Variants in RNF38 observed in about 807,000 individuals in gnomAD.
RNF38 encodes ring finger protein 38.
Under a neutral mutation model 67.2 loss-of-function variants are expected in RNF38, and 15 were observed. That is an observed-to-expected ratio of 0.22 (90% CI 0.15 to 0.34). The LOEUF (loss-of-function observed/expected upper bound fraction) is 0.34. Among genes scored for constraint, RNF38 ranks in the 10% least tolerant of loss-of-function variants. The pLI, the probability that RNF38 is intolerant of heterozygous loss-of-function variation, is 1.00. For missense variants in RNF38, 524 were observed against 639.9 expected (o/e 0.82, Z 1.95); for synonymous variants, 220 against 218.8 (o/e 1.01, Z -0.05).
chr9:36,466,809 A>G (rs190946892), intron 1 of RNF38, among the ~76,000 whole-genome samples: 7 of 152,230 alleles, frequency 4.6e-5, no homozygotes, highest in East Asian at 3.9e-4. Context: ...ATACATTTCT[A>G]TAACATTTTA....
chr9:36,487,428 G>C (rs989288852), exon 1 of RNF38: 1 of 980,952 alleles, frequency 1.0e-6, no homozygotes, highest in African/African-American at 1.8e-5. Flanking sequence ...GGCGGTGGGG[G>C]GCGCGGGCGG....
At chr9:36,467,364 TTTTCA>T (rs1245655975) in intron 1 of RNF38, among the ~76,000 whole-genome samples, 1 of 151,072 alleles carries the variant, frequency 6.6e-6, no homozygotes, top group African/African-American at 2.4e-5. Flanking sequence ...TTTTTCAAGA[TTTTCA>T]GAGTATATAT....
intron 4 of RNF38, among the ~76,000 whole-genome samples, chr9:36,362,436 T>C (rs1834623136): frequency 7.1e-6 from 1 of 141,200 alleles, no homozygotes; most frequent in Admixed American, 7.4e-5. Flanking sequence ...ACAATCAAAG[T>C]ACCAAAGTAC....
Position 36,337,772 on chromosome 9 carries a change from T to C in RNF38, c.*1980A>G, listed in dbSNP as rs2133277316. ...GAACAGGTGAGGGATATCCTAATGA[T>C]TTAAAAGTAACATGTGCATTAACCA... On this transcript the variant is annotated 3_prime_UTR_variant, in exon 12 of 12. Coordinates refer to ENST00000259605, the MANE Select transcript of RNF38 (RefSeq NM_022781.5). 6.5e-6 allele frequency: 1 copy of C among 152,724 alleles called. No homozygotes were observed. The highest frequency in any genetic ancestry group is 2.1e-4 in the South Asian group (1 of 4,824). 9.5% of individuals were successfully genotyped at this position (152,724 alleles called of 1,614,324 possible).
At chr9:36,453,131 C>T (rs762969736) in intron 1 of RNF38, among the ~76,000 whole-genome samples, 16 of 152,128 alleles carry the variant, frequency 1.1e-4, no homozygotes, top group Non-Finnish European at 2.2e-4. Context: ...TCTGAATGTT[C>T]CAATTTCTCC....
chr9:36,428,295 A>T (rs1838840523), intron 1 of RNF38, among the ~76,000 whole-genome samples: 2 of 151,854 alleles, frequency 1.3e-5, no homozygotes, highest in African/African-American at 4.8e-5. Context: ...ACGCACCTGT[A>T]ATCCCAGCTA....
chr9:36,358,723 A>G (rs1301495161), intron 4 of RNF38, among the ~76,000 whole-genome samples: 1 of 152,318 alleles, frequency 6.6e-6, no homozygotes, highest in Middle Eastern at 3.4e-3. Context: ...ATATGATATT[A>G]GTTTGGCCAG....
At chr9:36,426,915 T>A (rs1838787180) in intron 1 of RNF38, among the ~76,000 whole-genome samples, 1 of 152,248 alleles carries the variant, frequency 6.6e-6, no homozygotes, top group Admixed American at 6.5e-5. Context: ...CTGAGAGATA[T>A]TAAAGTTAGA....
intron 2 of RNF38, among the ~76,000 whole-genome samples, chr9:36,389,752 C>A (rs958555336): frequency 1.3e-5 from 2 of 152,180 alleles, no homozygotes; most frequent in African/African-American, 4.8e-5. Context: ...CCTTGATGAT[C>A]AATTATTTCA....
rs940335428 is a variant in RNF38 at position 36,400,190 on chromosome 9, G to A, written c.-82C>T. 9.5e-6 allele frequency: 15 copies of A among 1,571,144 alleles called. No individual in the cohort carries two copies. The Admixed American group carries it at 2.9e-4, about 30-fold the overall frequency. ...CGTTTCAAAAACCAACCTCTCTCACGCTTCAACCCTGAAAGGAAGAACTTG... is the reference window on the plus strand; with the variant it reads ...CGTTTCAAAAACCAACCTCTCTCACACTTCAACCCTGAAAGGAAGAACTTG... On this transcript the variant is annotated 5_prime_UTR_variant, in exon 1 of 12. Transcript: ENST00000259605.
intron 1 of RNF38, among the ~76,000 whole-genome samples, chr9:36,463,724 C>A: frequency 6.6e-6 from 1 of 152,170 alleles, no homozygotes; most frequent in African/African-American, 2.4e-5. Flanking sequence ...TTAGGTAATT[C>A]TTCCAAATAA....
At chr9:36,408,266 ATT>A (rs35564069) in intron 2 of RNF38, among the ~76,000 whole-genome samples, 3 of 134,694 alleles carry the variant, frequency 2.2e-5, no homozygotes, top group Non-Finnish European at 1.6e-5. Context: ...AACAGACTTA[ATT>A]TTTTTTTTTT....
chr9:36,454,834 T>C, intron 1 of RNF38, among the ~76,000 whole-genome samples: 1 of 152,130 alleles, frequency 6.6e-6, no homozygotes, highest in Non-Finnish European at 1.5e-5. Context: ...TCCACCCGCC[T>C]CGGTCTCTCA....
intron 1 of RNF38, among the ~76,000 whole-genome samples, chr9:36,428,825 T>G (rs1490107242): frequency 1.3e-5 from 2 of 152,166 alleles, no homozygotes; most frequent in African/African-American, 4.8e-5. Context: ...ACTCAGTATG[T>G]ACCAGACATA....
intron 2 of RNF38, among the ~76,000 whole-genome samples, chr9:36,418,556 C>T (rs372920839): frequency 6.6e-6 from 1 of 151,738 alleles, no homozygotes; most frequent in African/African-American, 2.4e-5. Flanking sequence ...GAGGCTGAGG[C>T]GGGCAGATCA....
At chr9:36,486,718 C>T (rs1334804071) in intron 1 of RNF38, among the ~76,000 whole-genome samples, 1 of 152,166 alleles carries the variant, frequency 6.6e-6, no homozygotes, top group Non-Finnish European at 1.5e-5. Flanking sequence ...GAGCACACCC[C>T]GCACAGAAGT....
chr9:36,400,893 C>G, upstream of RNF38: 1 of 982,564 alleles, frequency 1.0e-6, no homozygotes, highest in Non-Finnish European at 1.2e-6. Context: ...GGCCCGGCCA[C>G]GCCCCTCCCC....
At chr9:36,451,491 G>GCT (rs1554698273) in intron 1 of RNF38, among the ~76,000 whole-genome samples, 4 of 58,670 alleles carry the variant, frequency 6.8e-5, no homozygotes, top group Non-Finnish European at 1.2e-4. Flanking sequence ...AATTGTAGTA[G>GCT]TTTTTTTTTT....
chr9:36,371,770 T>G (rs918202505), intron 3 of RNF38, among the ~76,000 whole-genome samples: 1 of 151,986 alleles, frequency 6.6e-6, no homozygotes, highest in Non-Finnish European at 1.5e-5. Context: ...TTCTTTTAAA[T>G]TTTTCTCGTA....
Sources: allele counts gnomAD v4.1 joint callset (sites outside exome capture counted in the v4.1 genomes callset), GRCh38; gene constraint gnomAD v4.1.1; transcripts MANE v1.5; gene names NCBI Gene and HGNC (gene_info 2026-07-23, HGNC 2026-07-21).